FRS2: variants seen among roughly 807,000 people sequenced by gnomAD.
The protein encoded by FRS2 is fibroblast growth factor receptor substrate 2, also known as FGFR signalling adaptor.
In FRS2, 8 loss-of-function variants were observed where a neutral mutation model predicts 43.9. The ratio of observed to expected loss-of-function variants is 0.18; its 90% CI spans 0.11 to 0.33. The LOEUF is 0.33. Among genes scored for constraint, FRS2 ranks in the 10% least tolerant of loss-of-function variants. The pLI, the probability that FRS2 is intolerant of heterozygous loss-of-function variation, is 1.00. For missense variants in FRS2, 534 were observed against 627.6 expected (o/e 0.85, Z 1.59); for synonymous variants, 219 against 220.3 (o/e 0.99, Z 0.05).
chr12:69,524,033 T>C (rs79286576), intron 1 of FRS2, among the ~76,000 whole-genome samples: 2,322 of 152,298 alleles, frequency 0.015, 63 homozygotes, highest in African/African-American at 0.052. Context: ...GGTGCCAGCC[T>C]CCATGCAGGC....
intron 1 of FRS2, among the ~76,000 whole-genome samples, chr12:69,528,838 A>G (rs1876512973): frequency 6.6e-6 from 1 of 152,236 alleles, no homozygotes. Flanking sequence ...TCCTAAAGGA[A>G]GAGGAGAAAT....
chr12:69,480,433 A>G (rs1871251901), intron 1 of FRS2: 1 of 152,162 alleles, frequency 6.6e-6, no homozygotes, highest in Non-Finnish European at 1.5e-5. Flanking sequence ...AGGTTAGTCT[A>G]TGTTATAGCA....
intron 8 of FRS2, among the ~76,000 whole-genome samples, chr12:69,573,718 G>GTGGA (rs1358072722): frequency 6.6e-6 from 1 of 152,174 alleles, no homozygotes; most frequent in Non-Finnish European, 1.5e-5. Flanking sequence ...CCGCTTCAGT[G>GTGGA]TCCCAGAGTG....
intron 3 of FRS2, among the ~76,000 whole-genome samples, chr12:69,540,458 ATAAG>A (rs1877798623): frequency 6.6e-6 from 1 of 152,114 alleles, no homozygotes; most frequent in Non-Finnish European, 1.5e-5. Context: ...GAAAAAGAAA[ATAAG>A]TAAAGTATAA....
chr12:69,540,228 G>A (rs991523691), intron 3 of FRS2, among the ~76,000 whole-genome samples: 21 of 151,676 alleles, frequency 1.4e-4, no homozygotes, highest in Admixed American at 9.2e-4. Context: ...ACTCCAGCCT[G>A]GACGACAAAG....
At chr12:69,520,643 G>A (rs1278972548) in intron 1 of FRS2, among the ~76,000 whole-genome samples, 2 of 152,062 alleles carry the variant, frequency 1.3e-5, no homozygotes, top group Non-Finnish European at 2.9e-5. Flanking sequence ...ATGGCTATCA[G>A]TTATCCTAGC....
intron 1 of FRS2, among the ~76,000 whole-genome samples, chr12:69,525,969 C>T (rs1876182449): frequency 6.6e-6 from 1 of 152,188 alleles, no homozygotes; most frequent in African/African-American, 2.4e-5. Flanking sequence ...AAGCGATTCT[C>T]CTGCCTCAGC....
chr12:69,566,452 T>C (rs2093713248), intron 4 of FRS2, among the ~76,000 whole-genome samples: 1 of 152,114 alleles, frequency 6.6e-6, no homozygotes, highest in African/African-American at 2.4e-5. Context: ...TTTATTAATA[T>C]TAAACATTTA....
chr12:69,472,809 G>C (rs191362145), intron 1 of FRS2, among the ~76,000 whole-genome samples: 1 of 152,296 alleles, frequency 6.6e-6, no homozygotes, highest in East Asian at 1.9e-4. Flanking sequence ...GAGTTGAGTT[G>C]TATTCTTTAG....
intron 3 of FRS2, among the ~76,000 whole-genome samples, chr12:69,560,137 T>C (rs1368652859): frequency 6.6e-6 from 1 of 152,228 alleles, no homozygotes; most frequent in Non-Finnish European, 1.5e-5. Context: ...AATGTAATAC[T>C]TGTTATAAGG....
At chr12:69,478,485 GA>G (rs1287885033) in intron 1 of FRS2, among the ~76,000 whole-genome samples, 6 of 152,124 alleles carry the variant, frequency 3.9e-5, no homozygotes, top group African/African-American at 1.4e-4. Context: ...ATAAGGTTAG[GA>G]AGACGAGAGA....
rs916611651 is a variant in FRS2, at chr12:69,571,803, G to A, written c.413-315G>A. On this transcript the variant is annotated intron_variant, in intron 7 of 8. Transcript: ENST00000549921. ...AGCATGAACCCGGGAGGTGGAGCTT[G>A]CAGTGAACTGAGATCATGCCACTGC... is the stretch of plus-strand genomic sequence containing the variant. Among the ~76,000 whole-genome samples, 3 of 152,188 alleles carry A rather than the reference G, an allele frequency of 2.0e-5. No individual in the cohort carries two copies. The South Asian group carries it at 6.2e-4, about 31-fold the overall frequency.
chr12:69,566,856 C>T (rs1811676786), intron 4 of FRS2, among the ~76,000 whole-genome samples: 1 of 152,118 alleles, frequency 6.6e-6, no homozygotes, highest in Admixed American at 6.5e-5. Flanking sequence ...GGAACATGTC[C>T]CTAGCTTGTT....
At chr12:69,561,309 T>A (rs1250576231) in intron 3 of FRS2, among the ~76,000 whole-genome samples, 1 of 152,044 alleles carries the variant, frequency 6.6e-6, no homozygotes, top group African/African-American at 2.4e-5. Context: ...AGTTCAGAGT[T>A]GAAATTGTTG....
chr12:69,527,240 C>G (rs1454423192), intron 1 of FRS2, among the ~76,000 whole-genome samples: 1 of 151,790 alleles, frequency 6.6e-6, no homozygotes, highest in Non-Finnish European at 1.5e-5. Context: ...CCTTAATAAT[C>G]CCCTAATGCC....
At chr12:69,543,290 A>G (rs1413917006) in intron 3 of FRS2, among the ~76,000 whole-genome samples, 1 of 152,226 alleles carries the variant, frequency 6.6e-6, no homozygotes, top group Non-Finnish European at 1.5e-5. Context: ...TTTTATTGAT[A>G]TGTTTGCACA....
At chr12:69,531,572 G>A (rs1319774210) in intron 2 of FRS2, among the ~76,000 whole-genome samples, 3 of 151,678 alleles carry the variant, frequency 2.0e-5, no homozygotes, top group Non-Finnish European at 4.4e-5. Flanking sequence ...AAATATTATG[G>A]AATTAGATGA....
At chr12:69,471,210 T>G (rs990947780) in intron 1 of FRS2, among the ~76,000 whole-genome samples, 2 of 151,984 alleles carry the variant, frequency 1.3e-5, no homozygotes, top group African/African-American at 4.8e-5. Context: ...AAAACTTGCT[T>G]AAGGAAAATC....
At chr12:69,518,229 G>T (rs1010644645) in intron 1 of FRS2, among the ~76,000 whole-genome samples, 1 of 152,186 alleles carries the variant, frequency 6.6e-6, no homozygotes, top group Non-Finnish European at 1.5e-5. Flanking sequence ...GGTTGAACAC[G>T]TTGGTGATTC....
Sources: gnomAD v4.1 joint callset for allele counts (sites outside exome capture counted in the v4.1 genomes callset) on GRCh38, gnomAD v4.1.1 for gene constraint, MANE v1.5 for transcripts, NCBI Gene and HGNC (gene_info 2026-07-23, HGNC 2026-07-21) for gene names.